NID1: variants seen among roughly 807,000 people sequenced by gnomAD.
The protein encoded by NID1 is nidogen-1.
A neutral mutation model predicts 130.6 loss-of-function variants in NID1; 76 were observed. That is an observed-to-expected ratio of 0.58 (90% CI 0.48 to 0.70). NID1 has a LOEUF of 0.70. Ranked by LOEUF, NID1 falls within the 30% of genes least tolerant of loss-of-function variation. NID1 has a pLI of 0.00. For missense variants in NID1, 1,517 were observed against 1,664.8 expected, an observed-to-expected ratio of 0.91 and a Z score of 1.54; for synonymous variants, 665 against 675.1, an observed-to-expected ratio of 0.98 and a Z score of 0.23.
chr1:236,044,381 T>C (rs1646151954), intron 3 of NID1, among the ~76,000 whole-genome samples: 1 of 152,208 alleles, frequency 6.6e-6, no homozygotes, highest in South Asian at 2.1e-4. Flanking sequence ...ATCCTTTTGC[T>C]ACTGTCCATG....
At chr1:236,034,973 C>CT (rs11371749) in intron 5 of NID1, among the ~76,000 whole-genome samples, 18,965 of 131,254 alleles carry the variant, frequency 0.14, 2,123 homozygotes, top group East Asian at 0.41. Context: ...GCAGAGTTTT[C>CT]TTTTTTTTTT....
chr1:236,013,615 C>A, intron 10 of NID1, 55 bp from the exon 11 acceptor site: 2 of 1,606,394 alleles, frequency 1.2e-6, no homozygotes, highest in Non-Finnish European at 1.7e-6. Flanking sequence ...CTGAGCAGGC[C>A]ACATGCCCCT....
chr1:236,004,782 A>AAAAG (rs1658197878), intron 12 of NID1, among the ~76,000 whole-genome samples: 2 of 149,914 alleles, frequency 1.3e-5, no homozygotes, highest in Non-Finnish European at 3.0e-5. Flanking sequence ...AAAAAAAAAA[A>AAAAG]GTTAAAAACT....
In NID1 at chr1:236,026,739, A is replaced by AT. The variant is rs768617564; in HGVS notation, c.1739-599dup. On this transcript the variant is annotated intron_variant, in intron 7 of 19. Transcript: ENST00000264187. ...TTCAATAAATGGTGATTTCTTTTTC[A>AT]TTTTTTTTTTTTTTTTTGACACAGA... is the stretch of plus-strand genomic sequence containing the variant. Among the ~76,000 whole-genome samples, 702 of 137,210 alleles carry AT rather than the reference A, an allele frequency of 5.1e-3. 3 individuals carry two copies. The highest frequency in any genetic ancestry group is 0.012 in the South Asian group (53 of 4,256). 90.0% of individuals were successfully genotyped at this position (137,210 alleles called of 152,430 possible).
Position 235,976,308 on chromosome 1 carries a change from T to A in NID1, c.*1559A>T, listed in dbSNP as rs1306994090. The A allele has an allele frequency of 6.6e-6, 1 of 152,174 alleles. No homozygotes were observed. The highest frequency in any genetic ancestry group is 1.5e-5 in the Non-Finnish European group (1 of 68,026). 9.4% of individuals were successfully genotyped at this position (152,174 alleles called of 1,614,324 possible). A position where few individuals can be genotyped will look rare whatever the true frequency, so the allele number is the denominator to read the frequency against. On this transcript the variant is annotated 3_prime_UTR_variant, in exon 20 of 20. Transcript: ENST00000264187. ...GTTTGAGGAAAAGAGGAGAGACTCT[T>A]TTCCCCAAAGAGAGTATCAGGCAAA...
intron 2 of NID1, among the ~76,000 whole-genome samples, chr1:236,047,918 C>G (rs138835446): frequency 6.7e-6 from 1 of 148,210 alleles, no homozygotes; most frequent in Non-Finnish European, 1.5e-5. Context: ...CCCAGCTACT[C>G]GGGAGGCTGA....
chr1:236,014,603 G>A (rs1192998340), intron 10 of NID1, among the ~76,000 whole-genome samples: 2 of 152,136 alleles, frequency 1.3e-5, no homozygotes, highest in East Asian at 3.9e-4. Context: ...TCTATCATCA[G>A]GACCCTTAAG....
At chr1:236,058,420 C>CA (rs1254255302) in intron 1 of NID1, among the ~76,000 whole-genome samples, 2 of 152,030 alleles carry the variant, frequency 1.3e-5, no homozygotes, top group Non-Finnish European at 2.9e-5. Context: ...AATTAGATCA[C>CA]AAAAAAACCC....
At chr1:236,060,098 CAA>C (rs773686621) in intron 1 of NID1, among the ~76,000 whole-genome samples, 17 of 50,978 alleles carry the variant, frequency 3.3e-4, no homozygotes, top group African/African-American at 5.1e-4. Context: ...GACTCAGTCT[CAA>C]AAAAAAAAAA....
chr1:236,026,642 A>G (rs1306339257), intron 7 of NID1, among the ~76,000 whole-genome samples: 1 of 152,254 alleles, frequency 6.6e-6, no homozygotes, highest in African/African-American at 2.4e-5. Flanking sequence ...TTAGTAAGAT[A>G]AACTACCATT....
intron 14 of NID1, 88 bp downstream of exon 14, chr1:235,990,798 C>T: frequency 1.4e-6 from 2 of 1,464,624 alleles, no homozygotes; most frequent in East Asian, 2.3e-5. Context: ...AGGGGTTGAG[C>T]CTGGGGTTCT....
intron 10 of NID1, among the ~76,000 whole-genome samples, 177 bp downstream of exon 10, chr1:236,016,971 C>T (rs982264453): frequency 2.0e-5 from 3 of 152,208 alleles, no homozygotes; most frequent in African/African-American, 7.2e-5. Context: ...ACTCATTACA[C>T]TTGTGACTCT....
At chr1:236,021,412 A>G (rs770681274) in intron 9 of NID1, among the ~76,000 whole-genome samples, 9 of 152,190 alleles carry the variant, frequency 5.9e-5, no homozygotes, top group Non-Finnish European at 1.3e-4. Flanking sequence ...CACTATGCGC[A>G]CAAGTTCCTG....
chr1:236,020,068 A>T, intron 9 of NID1, among the ~76,000 whole-genome samples: 1 of 146,830 alleles, frequency 6.8e-6, no homozygotes, highest in African/African-American at 2.5e-5. Flanking sequence ...ACAAAAACAA[A>T]CTTCTTTTCT....
At chr1:235,991,090 C>A (rs1183188070) in intron 13 of NID1, 32 bp from the exon 14 acceptor site, 1 of 1,538,364 alleles carries the variant, frequency 6.5e-7, no homozygotes, top group Non-Finnish European at 8.7e-7. Flanking sequence ...TGAGGGAGGC[C>A]CGTGTGCACC....
chr1:235,990,276 A>G (rs1207977756), intron 14 of NID1, among the ~76,000 whole-genome samples: 1 of 152,202 alleles, frequency 6.6e-6, no homozygotes, highest in African/African-American at 2.4e-5. Flanking sequence ...AGATGGCCCA[A>G]GTAGCATCTT....
At chr1:236,043,358 G>A (rs920963458) in intron 3 of NID1, among the ~76,000 whole-genome samples, 2 of 152,144 alleles carry the variant, frequency 1.3e-5, no homozygotes, top group African/African-American at 4.8e-5. Context: ...AACCTGTGGG[G>A]TCTGCAGTAA....
At chr1:236,050,011 G>A (rs1377443836) in intron 1 of NID1, among the ~76,000 whole-genome samples, 1 of 150,614 alleles carries the variant, frequency 6.6e-6, no homozygotes, top group African/African-American at 2.5e-5. Flanking sequence ...ATTCCAGCCT[G>A]GGCAACAGAG....
chr1:236,023,027 C>A (rs1033333196), intron 9 of NID1, among the ~76,000 whole-genome samples: 1 of 150,202 alleles, frequency 6.7e-6, no homozygotes, highest in Non-Finnish European at 1.5e-5. Context: ...CCACTGCACT[C>A]CAGCCTGAGC....
Sources: allele counts gnomAD v4.1 joint callset (sites outside exome capture counted in the v4.1 genomes callset), GRCh38; gene constraint gnomAD v4.1.1; transcripts MANE v1.5; gene names NCBI Gene and HGNC (gene_info 2026-07-23, HGNC 2026-07-21).